The following NLGN1 variants were observed in gnomAD, a reference collection of about 807,000 sequenced individuals.
NLGN1 encodes the protein neuroligin-1.
NLGN1 carries 12 observed loss-of-function variants against 65.5 expected under a neutral mutation model. The observed-to-expected ratio is 0.18, with a 90% CI of 0.12 to 0.30. The LOEUF (loss-of-function observed/expected upper bound fraction) is 0.30, where lower values mean the gene tolerates loss of function less well. Among genes scored for constraint, NLGN1 ranks in the 10% least tolerant of loss-of-function variants. NLGN1 has a pLI of 1.00. For missense variants in NLGN1, 750 were observed against 1,007.1 expected, an observed-to-expected ratio of 0.74 and a Z score of 3.46; for synonymous variants, 350 against 359.5, an observed-to-expected ratio of 0.97 and a Z score of 0.30.
chr3:174,218,651 A>G lies in NLGN1; in HGVS notation c.647-56664A>G, dbSNP rs1434498547. Among the ~76,000 whole-genome samples the G allele has an allele frequency of 2.6e-5, 4 of 152,038 alleles. No homozygotes were observed. In the East Asian group the frequency reaches 7.7e-4, roughly 29 times the overall value. On this transcript the variant is annotated intron_variant, in intron 4 of 6. Coordinates refer to ENST00000457714, the Ensembl canonical transcript of NLGN1. ...ATGAGGGCTAAAGTGACCCTTTAAA[A>G]TGAGAACCCTCTCTGGAAAATTGCA...
intron 4 of NLGN1, among the ~76,000 whole-genome samples, chr3:174,063,514 A>C (rs140567440): frequency 0.025 from 3,851 of 152,270 alleles, 67 homozygotes; most frequent in African/African-American, 0.031. Flanking sequence ...TAAAATAATA[A>C]CAAAATATTG....
chr3:173,981,928 T>G (rs1718872667), intron 4 of NLGN1, among the ~76,000 whole-genome samples: 1 of 152,122 alleles, frequency 6.6e-6, no homozygotes, highest in South Asian at 2.1e-4. Context: ...TTTCTTCAAG[T>G]GAAATGATTT....
chr3:173,440,707 G>T (rs1175918579), intron 2 of NLGN1, among the ~76,000 whole-genome samples: 1 of 152,074 alleles, frequency 6.6e-6, no homozygotes. Context: ...TGTCATCCAG[G>T]CTTTATTATT....
intron 4 of NLGN1, among the ~76,000 whole-genome samples, chr3:173,943,966 AG>A (rs1239546466): frequency 6.6e-6 from 1 of 152,228 alleles, no homozygotes; most frequent in Non-Finnish European, 1.5e-5. Context: ...TATTTTCTAA[AG>A]AAGTGACAAG....
At chr3:173,501,695 T>G (rs12374181) in intron 2 of NLGN1, among the ~76,000 whole-genome samples, 36,759 of 150,118 alleles carry the variant, frequency 0.24, 5,504 homozygotes, top group East Asian at 0.36. Context: ...ATTATAGAAT[T>G]CTCTACGTAT....
At chr3:173,570,093 G>C (rs1744393120) in intron 2 of NLGN1, among the ~76,000 whole-genome samples, 1 of 152,222 alleles carries the variant, frequency 6.6e-6, no homozygotes. Flanking sequence ...TATCTTGGGA[G>C]TGGGGGCCAG....
chr3:173,919,169 T>TCTC (rs34671895), intron 4 of NLGN1, among the ~76,000 whole-genome samples: 45,184 of 151,802 alleles, frequency 0.3, 7,437 homozygotes, highest in African/African-American at 0.44. Flanking sequence ...ATCTGCAAAA[T>TCTC]CTGACAAATG....
At chr3:173,493,807 CAT>C (rs1422487981) in intron 2 of NLGN1, among the ~76,000 whole-genome samples, 5 of 151,404 alleles carry the variant, frequency 3.3e-5, no homozygotes, top group African/African-American at 7.3e-5. Flanking sequence ...AAAGATTTGA[CAT>C]GTGTAAATGA....
At chr3:174,030,376 G>A (rs545470504) in intron 4 of NLGN1, among the ~76,000 whole-genome samples, 30 of 151,938 alleles carry the variant, frequency 2.0e-4, no homozygotes, top group Middle Eastern at 3.4e-3. Context: ...CTCCCGCCTC[G>A]GCCTCCCAAA....
Position 173,807,977 on chromosome 3 carries a change from C to T in NLGN1, c.646+145C>T, listed in dbSNP as rs1256993741. The T allele has an allele frequency of 3.2e-5, 23 of 728,998 alleles. 1 individual carries two copies. The highest frequency in any genetic ancestry group is 4.6e-5 in the Non-Finnish European group (20 of 437,558). 45.2% of individuals were successfully genotyped at this position (728,998 alleles called of 1,614,324 possible). On this transcript the variant is annotated intron_variant, in intron 4 of 6. Transcript: ENST00000457714. ...CTCGAGCCCAAATTTTTTATAGTTT[C>T]AATGAATTCTATAGGTTGGTTTTAA...
chr3:173,679,455 GA>G, intron 3 of NLGN1, among the ~76,000 whole-genome samples: 1 of 152,134 alleles, frequency 6.6e-6, no homozygotes, highest in South Asian at 2.1e-4. Flanking sequence ...GTGATTTGGG[GA>G]TAAATGTTCT....
rs140067838 is a variant in NLGN1 at position 173,806,011 on chromosome 3, A to G, written c.494-1669A>G. On this transcript the variant is annotated intron_variant, in intron 3 of 6. Coordinates refer to ENST00000457714, the Ensembl canonical transcript of NLGN1. ...TCTTAAATGTGTCTGTGTTTAGTGAATGGTTCCTATGTCAAAGTATCCTTC... is the reference window on the plus strand; with the variant it reads ...TCTTAAATGTGTCTGTGTTTAGTGAGTGGTTCCTATGTCAAAGTATCCTTC... 7.6e-4 allele frequency among the ~76,000 whole-genome samples: 115 copies of G among 152,250 alleles called. No homozygotes were observed. The East Asian group carries it at 0.02, about 27-fold the overall frequency.
chr3:173,830,055 T>G (rs981564695), intron 4 of NLGN1, among the ~76,000 whole-genome samples: 1 of 151,874 alleles, frequency 6.6e-6, no homozygotes, highest in African/African-American at 2.4e-5. Context: ...TCCAACTGAT[T>G]TATCAATATG....
chr3:173,563,462 C>T (rs908107588), intron 2 of NLGN1, among the ~76,000 whole-genome samples: 1 of 152,134 alleles, frequency 6.6e-6, no homozygotes, highest in Non-Finnish European at 1.5e-5. Context: ...AGTTTATCTT[C>T]CATAAAGAGA....
intron 2 of NLGN1, among the ~76,000 whole-genome samples, chr3:173,561,546 C>T (rs376113837): frequency 6.6e-6 from 1 of 151,984 alleles, no homozygotes; most frequent in African/African-American, 2.4e-5. Context: ...AAAGACTTTC[C>T]CTTTCAATTT....
intron 4 of NLGN1, among the ~76,000 whole-genome samples, chr3:173,909,343 T>C (rs1203520181): frequency 6.6e-6 from 1 of 152,172 alleles, no homozygotes; most frequent in East Asian, 1.9e-4. Context: ...GGACCTACAC[T>C]GCAGATCATT....
intron 4 of NLGN1, among the ~76,000 whole-genome samples, chr3:173,919,226 CAT>C (rs1741436976): frequency 6.6e-6 from 1 of 152,114 alleles, no homozygotes; most frequent in Non-Finnish European, 1.5e-5. Flanking sequence ...AAGACTCAGA[CAT>C]CTTTGGGAGG....
intron 2 of NLGN1, among the ~76,000 whole-genome samples, chr3:173,552,455 C>G (rs548001649): frequency 6.6e-6 from 1 of 152,056 alleles, no homozygotes; most frequent in Non-Finnish European, 1.5e-5. Flanking sequence ...GAGGTTGTTG[C>G]ATTAAGTGGC....
intron 2 of NLGN1, among the ~76,000 whole-genome samples, chr3:173,537,054 G>A (rs1276036970): frequency 6.6e-6 from 1 of 152,168 alleles, no homozygotes; most frequent in Non-Finnish European, 1.5e-5. Context: ...ACAGTGGATT[G>A]GATGAGACCC....
Sources: gnomAD v4.1 joint callset for allele counts (sites outside exome capture counted in the v4.1 genomes callset) on GRCh38, gnomAD v4.1.1 for gene constraint, MANE v1.5 for transcripts, NCBI Gene and HGNC (gene_info 2026-07-23, HGNC 2026-07-21) for gene names.